Variants in MYOCD observed in about 807,000 individuals in gnomAD.
MYOCD encodes the protein myocardin.
Under a neutral mutation model 96.1 loss-of-function variants are expected in MYOCD, and 32 were observed. The ratio of observed to expected loss-of-function variants is 0.33; its 90% confidence interval spans 0.25 to 0.45. The LOEUF (loss-of-function observed/expected upper bound fraction) is 0.45. Ranked by LOEUF, MYOCD falls within the 20% of genes least tolerant of loss-of-function variation. The probability of loss-of-function intolerance (pLI) is 1.00; values close to 1 mark genes in which losing one functional copy is unlikely to be tolerated. For missense variants in MYOCD, 1,133 were observed against 1,200.6 expected, an observed-to-expected ratio of 0.94 and a Z score of 0.83; for synonymous variants, 469 against 469.0, an observed-to-expected ratio of 1.00 and a Z score of 0.00.
chr17:12,752,342 A>C, intron 9 of MYOCD, 72 bp from the exon 10 acceptor site: 1 of 1,307,760 alleles, frequency 7.6e-7, no homozygotes, highest in Non-Finnish European at 1.1e-6. Context: ...TTTTGAAGCT[A>C]ATTGTATAAT....
At chr17:12,714,818 A>G (rs1295577412) in intron 2 of MYOCD, among the ~76,000 whole-genome samples, 1 of 152,078 alleles carries the variant, frequency 6.6e-6, no homozygotes, top group Non-Finnish European at 1.5e-5. Context: ...GGTTGTTAAT[A>G]TTTTACATAT....
intron 2 of MYOCD, among the ~76,000 whole-genome samples, chr17:12,707,200 C>T (rs925492714): frequency 6.6e-6 from 1 of 152,206 alleles, no homozygotes; most frequent in African/African-American, 2.4e-5. Context: ...TTTCCTCTGG[C>T]ACCTAAGGAA....
chr17:12,676,754 T>G (rs1039700224), intron 1 of MYOCD, among the ~76,000 whole-genome samples: 2 of 152,240 alleles, frequency 1.3e-5, no homozygotes, highest in South Asian at 4.1e-4. Flanking sequence ...CTGCTATTAA[T>G]TTTTGTTGGA....
chr17:12,681,360 C>G (rs1300174922), intron 1 of MYOCD, among the ~76,000 whole-genome samples: 1 of 152,174 alleles, frequency 6.6e-6, no homozygotes, highest in Non-Finnish European at 1.5e-5. Context: ...ACAAACCTGG[C>G]AGCTTTGTGA....
At chr17:12,726,198 G>A (rs891511729) in intron 5 of MYOCD, among the ~76,000 whole-genome samples, 10 of 152,034 alleles carry the variant, frequency 6.6e-5, no homozygotes, top group Non-Finnish European at 8.8e-5. Context: ...GTCTTGTTGC[G>A]CCATCATTCC....
At chr17:12,674,952 A>G (rs1020919882) in intron 1 of MYOCD, among the ~76,000 whole-genome samples, 5 of 152,246 alleles carry the variant, frequency 3.3e-5, no homozygotes, top group African/African-American at 7.2e-5. Context: ...TCACTTAAAC[A>G]CTTTAAAACT....
intron 5 of MYOCD, among the ~76,000 whole-genome samples, chr17:12,730,236 A>G (rs1046220368): frequency 1.3e-5 from 2 of 151,952 alleles, no homozygotes; most frequent in East Asian, 1.9e-4. Context: ...ATCACCTGGG[A>G]TCAGAAGTTC....
intron 5 of MYOCD, 71 bp from the exon 6 acceptor site, chr17:12,736,090 C>A (rs557147206): frequency 2.4e-6 from 3 of 1,264,620 alleles, no homozygotes; most frequent in Non-Finnish European, 2.3e-6. Context: ...AATGACACAT[C>A]GAAGCATTTC....
At chr17:12,738,333 T>A (rs2032403980) in intron 6 of MYOCD, among the ~76,000 whole-genome samples, 1 of 152,148 alleles carries the variant, frequency 6.6e-6, no homozygotes, top group African/African-American at 2.4e-5. Context: ...CAGCCCTGGC[T>A]CCTTTTTGTC....
Position 12,705,256 on chromosome 17 carries a change from G to A in MYOCD, c.121+63G>A. 2.5e-6 allele frequency: 3 copies of A among 1,203,970 alleles called. No homozygotes were observed. In the African/African-American group the frequency reaches 4.5e-5, roughly 18 times the overall value. The allele number at this position is 1,203,970 out of a possible 1,614,324, so 74.6% of individuals were successfully genotyped here. ...GGCCACACCATTTGGGAGCTGGAAA[G>A]TGCCTCAGAGGTCATTTAGTTTAAG... On this transcript the variant is annotated intron_variant, in intron 2 of 13. Coordinates refer to ENST00000425538, the MANE Select transcript of MYOCD (RefSeq NM_001146312.3).
chr17:12,716,364 AG>A (rs968435366), intron 3 of MYOCD, among the ~76,000 whole-genome samples: 4 of 43,770 alleles, frequency 9.1e-5, no homozygotes, highest in African/African-American at 1.6e-4. Context: ...GACCCCTCTC[AG>A]GGGGCCACTG....
chr17:12,669,171 G>A (rs1042388876), intron 1 of MYOCD, among the ~76,000 whole-genome samples: 8 of 152,112 alleles, frequency 5.3e-5, no homozygotes, highest in Non-Finnish European at 1.2e-4. Context: ...TCTAATCAGT[G>A]TCACTATCAA....
At chr17:12,715,798 T>A (rs2031621922) in intron 3 of MYOCD, among the ~76,000 whole-genome samples, 2 of 152,186 alleles carry the variant, frequency 1.3e-5, no homozygotes, top group South Asian at 4.1e-4. Context: ...TTTTAAAAAA[T>A]GTCCCCAATT....
At chr17:12,735,451 G>T (rs114906274) in intron 5 of MYOCD, among the ~76,000 whole-genome samples, 1 of 152,196 alleles carries the variant, frequency 6.6e-6, no homozygotes, top group African/African-American at 2.4e-5. Flanking sequence ...GTCTCTGCTT[G>T]TGTGAGCCAT....
chr17:12,674,901 A>G (rs973790180), intron 1 of MYOCD, among the ~76,000 whole-genome samples: 2 of 152,250 alleles, frequency 1.3e-5, no homozygotes, highest in Non-Finnish European at 2.9e-5. Flanking sequence ...TCCCAAGCTT[A>G]TGGCCATGGC....
intron 7 of MYOCD, among the ~76,000 whole-genome samples, chr17:12,739,592 A>T (rs1301698545): frequency 1.3e-5 from 2 of 152,320 alleles, no homozygotes; most frequent in South Asian, 4.1e-4. Flanking sequence ...CACGTTCCCC[A>T]CTTAAAAGAT....
intron 9 of MYOCD, among the ~76,000 whole-genome samples, chr17:12,751,858 G>A (rs1006881195): frequency 2.0e-5 from 3 of 152,136 alleles, no homozygotes; most frequent in African/African-American, 7.2e-5. Context: ...GTCAGGTCGG[G>A]GCACCACCTG....
In MYOCD at chr17:12,672,860, G is replaced by C. The variant is rs189346210; in HGVS notation, c.55+6617G>C. Reference sequence around the variant, plus strand: ...TGCAGCAATGATTAATGGATACACAGACCCTCAAATACTTAGTATGTCTTT... The same window carrying C: ...TGCAGCAATGATTAATGGATACACACACCCTCAAATACTTAGTATGTCTTT... On this transcript the variant is annotated intron_variant, in intron 1 of 13. Transcript: ENST00000425538. 2.7e-3 allele frequency among the ~76,000 whole-genome samples: 416 copies of C among 152,298 alleles called. 3 individuals are homozygous for C. Among genetic ancestry groups the C allele is most frequent in the African/African-American group, 9.1e-3 (378 of 41,564 alleles).
At chr17:12,699,343 T>C (rs1325657851) in intron 1 of MYOCD, among the ~76,000 whole-genome samples, 1 of 151,482 alleles carries the variant, frequency 6.6e-6, no homozygotes, top group Middle Eastern at 3.6e-3. Context: ...CAGGCTGCTC[T>C]TGAGCTCTGA....
Sources: allele counts gnomAD v4.1 joint callset (sites outside exome capture counted in the v4.1 genomes callset), GRCh38; gene constraint gnomAD v4.1.1; transcripts MANE v1.5; gene names NCBI Gene and HGNC (gene_info 2026-07-23, HGNC 2026-07-21).